KIAA1755: variants seen among roughly 807,000 people sequenced by gnomAD.
KIAA1755 encodes uncharacterized protein KIAA1755.
A neutral mutation model predicts 91.7 loss-of-function variants in KIAA1755; 68 were observed. That is an observed-to-expected ratio of 0.74 (90% CI 0.61 to 0.91). KIAA1755 has a LOEUF of 0.91. Among genes scored for constraint, KIAA1755 ranks in the 40% least tolerant of loss-of-function variants. The pLI is 0.00. For missense variants in KIAA1755, 1,535 were observed against 1,494.4 expected, an observed-to-expected ratio of 1.03 and a Z score of -0.45; for synonymous variants, 610 against 604.6, an observed-to-expected ratio of 1.01 and a Z score of -0.13.
At chr20:38,253,217 C>G (rs2076282993) in intron 1 of KIAA1755, among the ~76,000 whole-genome samples, 1 of 152,210 alleles carries the variant, frequency 6.6e-6, no homozygotes, top group Non-Finnish European at 1.5e-5. Flanking sequence ...GCCCGCACTG[C>G]TGGCTCCTAT....
chr20:38,240,946 T>C lies in KIAA1755; in HGVS notation c.1185A>G (p.Pro395=), dbSNP rs1743823678. The stretch of plus-strand genomic sequence containing the variant: ...GAGGTCCCTGCATCTTGGAGGCAGC[T>C]GGCTCTTGTGAGACACCTGCCCTGA... ...SGLRAGVSQE[P]AASKMQGPLG... The change falls in exon 3 of 14, where the codon CCA becomes CCG. Residue 395 remains proline (P), a synonymous_variant. Transcript: ENST00000279024. 4 of 1,613,966 alleles carry C rather than the reference T, an allele frequency of 2.5e-6. No homozygotes were observed. Among genetic ancestry groups the C allele is most frequent in the Non-Finnish European group, 2.5e-6 (3 of 1,179,988 alleles).
At position 38,212,994 on chromosome 20, in the gene KIAA1755, C is replaced by T. The variant is rs746195106; in HGVS notation, c.*48G>A. 38 of 1,451,968 alleles carry T rather than the reference C, an allele frequency of 2.6e-5. No homozygotes were observed. In the African/African-American group the frequency reaches 5.3e-4, roughly 20 times the overall value. 89.9% of individuals were successfully genotyped at this position (1,451,968 alleles called of 1,614,324 possible). A position where few individuals can be genotyped will look rare whatever the true frequency, so the allele number is the denominator to read the frequency against. ...CTCCCAGCTACCCCTCCAGCTGGGC[C>T]CTGGCCCAGTGCTCCTGGAGGCTGG... On this transcript the variant is annotated 3_prime_UTR_variant, in exon 14 of 14. Transcript: ENST00000279024.
chr20:38,213,754 A>G lies in KIAA1755; in HGVS notation c.2902-11T>C, dbSNP rs1305171522. ...GTGGAACCAGGTCATCTGGGGGACAAGAAGAGAGGGAGGTGGGGGCTCAGG... is the reference window on the plus strand; with the variant it reads ...GTGGAACCAGGTCATCTGGGGGACAGGAAGAGAGGGAGGTGGGGGCTCAGG... On this transcript the variant is annotated splice_polypyrimidine_tract_variant and intron_variant, in intron 13 of 13. Transcript: ENST00000279024. The G allele has an allele frequency of 2.1e-6, 3 of 1,449,064 alleles. No homozygotes were observed. In the East Asian group the frequency reaches 7.2e-5, roughly 35 times the overall value. The allele number at this position is 1,449,064 out of a possible 1,614,324, so 89.8% of individuals were successfully genotyped here.
chr20:38,257,863 C>T (rs146156788), intron 1 of KIAA1755, among the ~76,000 whole-genome samples: 165 of 152,046 alleles, frequency 1.1e-3, no homozygotes, highest in Non-Finnish European at 1.5e-3. Context: ...TTTACTAACA[C>T]AGATTTGCCT....
intron 8 of KIAA1755, among the ~76,000 whole-genome samples, chr20:38,224,880 G>A (rs1175253600): frequency 2.0e-5 from 3 of 152,182 alleles, no homozygotes; most frequent in Admixed American, 6.5e-5. Flanking sequence ...CACAGGAAAG[G>A]AGCCCAACAC....
Position 38,240,657 on chromosome 20 carries a change from G to A in KIAA1755, c.1474C>T (p.Gln492Ter), listed in dbSNP as rs1249414613. ...AGGACTTTCCAGGGCCCATTGTGCT[G>A]GAGTGAGGCTTTCTCCGGGGTCACA... ...PSVTPEKASL[Q>*]HNGPWKVLCS... Residue 492 changes from glutamine (Q) to a stop codon, truncating the protein, a stop_gained, in exon 3 of 14, where the codon CAG becomes TAG. Coordinates refer to ENST00000279024, the MANE Select transcript of KIAA1755 (RefSeq NM_001029864.2). LOFTEE classifies it high-confidence loss of function. The A allele has an allele frequency of 3.3e-6, 5 of 1,538,224 alleles. No individual in the cohort carries two copies. The highest frequency in any genetic ancestry group is 4.4e-6 in the Non-Finnish European group (5 of 1,144,628).
chr20:38,212,874 G>T lies in KIAA1755; in HGVS notation c.*168C>A. Reference sequence around the variant, plus strand: ...AGATCGGGTCTTCCAGGAGTTTTCTGGAGCCAGGGGCAGGTCGACAGTTCT... The same window carrying T: ...AGATCGGGTCTTCCAGGAGTTTTCTTGAGCCAGGGGCAGGTCGACAGTTCT... On this transcript the variant is annotated 3_prime_UTR_variant, in exon 14 of 14. Transcript: ENST00000279024. 1 of 560,996 alleles carries T rather than the reference G, an allele frequency of 1.8e-6. No homozygotes were observed. Among genetic ancestry groups the T allele is most frequent in the Non-Finnish European group, 3.1e-6 (1 of 325,884 alleles). 34.8% of individuals were successfully genotyped at this position (560,996 alleles called of 1,614,324 possible).
At position 38,219,726 on chromosome 20, in the gene KIAA1755, G is replaced by A. The variant is rs200469572; in HGVS notation, c.2460C>T (p.Asp820=). 3.8e-5 allele frequency: 61 copies of A among 1,614,034 alleles called. No homozygotes were observed. Among genetic ancestry groups the A allele is most frequent in the East Asian group, 1.1e-4 (5 of 44,890 alleles). ...CGGTGACCAGAACATGAAGCTGCTCGTCCACAAGGCTGTACAAGGCAGTGG... is the reference window on the plus strand; with the variant it reads ...CGGTGACCAGAACATGAAGCTGCTCATCCACAAGGCTGTACAAGGCAGTGG... ...AAATALYSLV[D]EQLHVLVTAS... is the part of the protein sequence containing the mutation. Residue 820 remains aspartate (D), a synonymous_variant, in exon 11 of 14, where the codon GAC becomes GAT. Coordinates refer to ENST00000279024, the MANE Select transcript of KIAA1755 (RefSeq NM_001029864.2).
intron 13 of KIAA1755, among the ~76,000 whole-genome samples, chr20:38,215,231 C>A (rs1220156188): frequency 2.6e-5 from 4 of 152,230 alleles, no homozygotes; most frequent in South Asian, 4.1e-4. Flanking sequence ...ACAGGGCCAG[C>A]CCAGTTCCAA....
chr20:38,214,351 T>C (rs1416339012), intron 13 of KIAA1755, among the ~76,000 whole-genome samples: 3 of 152,222 alleles, frequency 2.0e-5, no homozygotes, highest in Non-Finnish European at 4.4e-5. Flanking sequence ...TAGATGATCA[T>C]GAAAAGCCTT....
Position 38,241,227 on chromosome 20 carries a change from A to C in KIAA1755, c.904T>G (p.Ser302Ala). 1.2e-6 allele frequency: 2 copies of C among 1,614,088 alleles called. No homozygotes were observed. Among genetic ancestry groups the C allele is most frequent in the South Asian group, 2.2e-5 (2 of 91,066 alleles). The change falls in exon 3 of 14, where the codon TCT (serine) becomes GCT (alanine). Residue 302 changes from serine (S) to alanine (A), a missense_variant. Transcript: ENST00000279024. ...REAGTSSGCT[S>A]GALEEIAGTK... is the part of the protein sequence containing the mutation. ...CCAGCTATCTCCTCTAGTGCCCCAGAAGTACACCCACTGGATGTGCCTGCC... is the reference window on the plus strand; with the variant it reads ...CCAGCTATCTCCTCTAGTGCCCCAGCAGTACACCCACTGGATGTGCCTGCC...
chr20:38,230,803 G>A (rs2075847051), intron 5 of KIAA1755, among the ~76,000 whole-genome samples: 1 of 151,750 alleles, frequency 6.6e-6, no homozygotes, highest in Admixed American at 6.6e-5. Context: ...CAGGAGAATC[G>A]CTTGAACCCG....
Position 38,213,108 on chromosome 20 carries a change from TGAG to T in KIAA1755, c.3534_3536del (p.Ser1179del). ...GGGATGTCTGTGAGTCTGTCCCCTCTGAGGAGAAGCTGCCCCCAGTGAGGCGAG... is the reference window on the plus strand; with the variant it reads ...GGGATGTCTGTGAGTCTGTCCCCTCTGAGAAGCTGCCCCCAGTGAGGCGAG... On this transcript the variant is annotated inframe_deletion, in exon 14 of 14. Coordinates refer to ENST00000279024, the MANE Select transcript of KIAA1755 (RefSeq NM_001029864.2). The T allele has an allele frequency of 6.2e-7, 1 of 1,602,700 alleles. No homozygotes were observed. Among genetic ancestry groups the T allele is most frequent in the Non-Finnish European group, 8.5e-7 (1 of 1,173,572 alleles).
intron 1 of KIAA1755, among the ~76,000 whole-genome samples, chr20:38,251,895 A>T (rs908674470): frequency 6.6e-6 from 1 of 152,118 alleles, no homozygotes; most frequent in Admixed American, 6.5e-5. Context: ...CATTTTCGTC[A>T]AGTAAAATAA....
intron 2 of KIAA1755, among the ~76,000 whole-genome samples, chr20:38,244,664 C>T (rs902883280): frequency 3.1e-4 from 47 of 152,162 alleles, no homozygotes; most frequent in African/African-American, 8.4e-4. Flanking sequence ...GGGCATTTGA[C>T]GGCTTGGTCT....
At chr20:38,231,053 T>C (rs562469963) in intron 5 of KIAA1755, 149 bp downstream of exon 5, 10 of 838,108 alleles carry the variant, frequency 1.2e-5, no homozygotes, top group African/African-American at 1.0e-4. Flanking sequence ...GCTGTTTTGC[T>C]TTCCCCCGGC....
Position 38,260,599 on chromosome 20 carries a change from C to A in KIAA1755, c.-99G>T. 7.0e-7 allele frequency: 1 copy of A among 1,426,214 alleles called. No individual in the cohort carries two copies. The highest frequency in any genetic ancestry group is 9.2e-7 in the Non-Finnish European group (1 of 1,086,886). The allele number at this position is 1,426,214 out of a possible 1,614,324, so 88.3% of individuals were successfully genotyped here. ...TGTCTGGGGCAGCCCTCGGTCCCGC[C>A]TAGCCCTGGAGCCAGGGGATAGGGC... On this transcript the variant is annotated 5_prime_UTR_variant, in exon 1 of 14. In the 5' UTR this introduces an upstream ATG that the reference lacks. Transcript: ENST00000279024.
intron 1 of KIAA1755, among the ~76,000 whole-genome samples, chr20:38,248,944 G>A (rs1032111279): frequency 5.9e-5 from 9 of 151,806 alleles, no homozygotes; most frequent in African/African-American, 1.2e-4. Flanking sequence ...GTGCTATCTC[G>A]GCTCACTGCA....
chr20:38,247,060 G>A (rs2076172727), intron 1 of KIAA1755, among the ~76,000 whole-genome samples: 1 of 152,112 alleles, frequency 6.6e-6, no homozygotes, highest in East Asian at 1.9e-4. Context: ...TCAGAGTCCA[G>A]AAGAGGGAAA....
Sources: allele counts gnomAD v4.1 joint callset (sites outside exome capture counted in the v4.1 genomes callset), GRCh38; gene constraint gnomAD v4.1.1; transcripts MANE v1.5; gene names NCBI Gene and HGNC (gene_info 2026-07-23, HGNC 2026-07-21).